Variants in AMBN observed in about 807,000 individuals in gnomAD.
AMBN encodes enamel matrix protein.
A neutral mutation model predicts 48.0 loss-of-function variants in AMBN; 54 were observed. That is an observed-to-expected ratio of 1.12 (90% CI 0.90 to 1.41). The LOEUF (loss-of-function observed/expected upper bound fraction) is 1.41. AMBN is among the 40% of genes most tolerant of loss of function. The pLI is 0.00. For synonymous variants in AMBN, 186 were observed against 190.0 expected, an observed-to-expected ratio of 0.98 and a Z score of 0.17; for missense variants, 571 against 547.3, an observed-to-expected ratio of 1.04 and a Z score of -0.43.
intron 2 of AMBN, among the ~76,000 whole-genome samples, chr4:70,595,190 CTTTTTT>C (rs367866356): frequency 8.4e-6 from 1 of 119,086 alleles, no homozygotes; most frequent in Non-Finnish European, 1.7e-5. Context: ...TCCCTCTATT[CTTTTTT>C]TTTTTTTTTT....
At chr4:70,603,839 C>A in intron 11 of AMBN, 38 bp from the exon 12 acceptor site, 17 of 1,609,470 alleles carry the variant, frequency 1.1e-5, no homozygotes, top group Non-Finnish European at 1.4e-5. Flanking sequence ...AAGAAGGTAG[C>A]TGGTTCGTAA....
chr4:70,597,261 T>A (rs1250877415), intron 3 of AMBN, among the ~76,000 whole-genome samples: 2 of 152,182 alleles, frequency 1.3e-5, no homozygotes, highest in Non-Finnish European at 2.9e-5. Flanking sequence ...TTTAGAACAT[T>A]GTTTCTATGC....
intron 6 of AMBN, 70 bp downstream of exon 6, chr4:70,601,724 G>T: frequency 6.9e-7 from 1 of 1,449,280 alleles, no homozygotes; most frequent in Non-Finnish European, 9.5e-7. Flanking sequence ...AATTTGCAGG[G>T]CACTTTTAAA....
chr4:70,599,075 A>G (rs1342611385), intron 4 of AMBN, among the ~76,000 whole-genome samples: 2 of 151,294 alleles, frequency 1.3e-5, no homozygotes, highest in Non-Finnish European at 2.9e-5. Flanking sequence ...ACGTCCAGCC[A>G]TACCTATCCA....
At chr4:70,596,850 C>A (rs1737393870) in intron 2 of AMBN, 149 bp from the exon 3 acceptor site, 3 of 541,226 alleles carry the variant, frequency 5.5e-6, no homozygotes, top group Non-Finnish European at 9.8e-6. Context: ...CTTCTTCATT[C>A]TGCCCAAGCA....
chr4:70,599,457 G>C, intron 4 of AMBN, 79 bp from the exon 5 acceptor site: 1 of 1,110,446 alleles, frequency 9.0e-7, no homozygotes, highest in Non-Finnish European at 1.3e-6. Context: ...AAAAGAAAAA[G>C]GAAAAGGAAA....
chr4:70,604,166 T>A (rs1737588407), intron 12 of AMBN, among the ~76,000 whole-genome samples: 1 of 152,168 alleles, frequency 6.6e-6, no homozygotes, highest in Non-Finnish European at 1.5e-5. Context: ...TGCTTGTAGA[T>A]GAACAGAGGA....
At chr4:70,602,041 T>C (rs1737532659) in intron 6 of AMBN, 2 of 417,148 alleles carry the variant, frequency 4.8e-6, no homozygotes, top group Non-Finnish European at 9.3e-6. Flanking sequence ...GGATTTTGCA[T>C]TATTATCTCT....
chr4:70,600,454 A>G (rs1044460920), intron 5 of AMBN, among the ~76,000 whole-genome samples: 3 of 152,240 alleles, frequency 2.0e-5, no homozygotes, highest in Non-Finnish European at 4.4e-5. Flanking sequence ...GAAGACATTT[A>G]AGAATGGCTC....
chr4:70,597,066 T>A lies in AMBN; in HGVS notation c.135+17T>A. On this transcript the variant is annotated intron_variant, in intron 3 of 12. Coordinates refer to ENST00000322937, the MANE Select transcript of AMBN (RefSeq NM_016519.6). The stretch of plus-strand genomic sequence containing the variant: ...AGCCTTGAGGTATGTATTGTCAGAA[T>A]TTTTAACATATTAACTTTACATTGG... 6.2e-7 allele frequency: 1 copy of A among 1,605,066 alleles called. No individual in the cohort carries two copies. Among genetic ancestry groups the A allele is most frequent in the South Asian group, 1.1e-5 (1 of 90,600 alleles).
rs1032706904 is a variant in AMBN at position 70,601,412 on chromosome 4, C to A, written c.295-6C>A. 1 of 1,613,162 alleles carries A rather than the reference C, an allele frequency of 6.2e-7. No homozygotes were observed. The highest frequency in any genetic ancestry group is 1.3e-5 in the African/African-American group (1 of 75,040). On this transcript the variant is annotated splice_region_variant and splice_polypyrimidine_tract_variant and intron_variant, in intron 5 of 12. Coordinates refer to ENST00000322937, the MANE Select transcript of AMBN (RefSeq NM_016519.6). ...TTCCTAACACTCTTTTCAAATTTCT[C>A]TGCAGTATGAATATTCTTTGCCTGT...
Position 70,593,229 on chromosome 4 carries a change from G to T in AMBN, c.16-98G>T, listed in dbSNP as rs1156530759. 7 of 932,300 alleles carry T rather than the reference G, an allele frequency of 7.5e-6. No individual in the cohort carries two copies. In the East Asian group the frequency reaches 1.8e-4, roughly 24 times the overall value. 57.8% of individuals were successfully genotyped at this position (932,300 alleles called of 1,614,324 possible). Reference sequence around the variant, plus strand: ...TCTAACCTTTATCCCGGTGGTTTTTGTAAGAGCAGAGACTCAGGCTCATTT... The same window carrying T: ...TCTAACCTTTATCCCGGTGGTTTTTTTAAGAGCAGAGACTCAGGCTCATTT... On this transcript the variant is annotated intron_variant, in intron 1 of 12. Transcript: ENST00000322937.
chr4:70,603,151 C>T (rs529413064), intron 9 of AMBN, 109 bp from the exon 10 acceptor site: 2 of 1,344,142 alleles, frequency 1.5e-6, no homozygotes, highest in East Asian at 2.4e-5. Flanking sequence ...ATATTAAATA[C>T]TTATTTTCTA....
chr4:70,597,152 T>C, intron 3 of AMBN, 103 bp downstream of exon 3: 1 of 1,046,182 alleles, frequency 9.6e-7, no homozygotes, highest in Non-Finnish European at 1.4e-6. Context: ...GCCAGAAGTT[T>C]GTGGCTGTTA....
intron 6 of AMBN, 73 bp downstream of exon 6, chr4:70,601,727 CTT>C: frequency 7.2e-7 from 1 of 1,383,662 alleles, no homozygotes. Context: ...TTGCAGGGCA[CTT>C]TTAAATAATC....
rs1404689134 is a variant in AMBN, at chr4:70,593,991, A to G, written c.84+596A>G. Among the ~76,000 whole-genome samples, 5 of 152,310 alleles carry G rather than the reference A, an allele frequency of 3.3e-5. No homozygotes were observed. In the East Asian group the frequency reaches 7.7e-4, roughly 23 times the overall value. ...AGTTAAAAGCTTAGATAGTCTCCAC[A>G]ATGCATGGCGAAATTTTATTATCAA... On this transcript the variant is annotated intron_variant, in intron 2 of 12. Transcript: ENST00000322937.
At position 70,602,544 on chromosome 4, in the gene AMBN, CTAT is replaced by C. The variant is rs982321892; in HGVS notation, c.532-78_532-76del. The C allele has an allele frequency of 5.8e-6, 6 of 1,038,212 alleles. No individual in the cohort carries two copies. In the African/African-American group the frequency reaches 8.2e-5, roughly 14 times the overall value. 64.3% of individuals were successfully genotyped at this position (1,038,212 alleles called of 1,614,324 possible). On this transcript the variant is annotated intron_variant, in intron 6 of 12. Coordinates refer to ENST00000322937, the MANE Select transcript of AMBN (RefSeq NM_016519.6). ...TAAGGATGTGATCAGTTCACTTTGT[CTAT>C]TTTTTTATTTTTAATGTCACTTTGT...
In AMBN at chr4:70,602,804, G is replaced by C; in HGVS notation, c.577G>C (p.Gly193Arg). Reference protein sequence around the residue: ...FADPQGPSLPGMDFPDPQGPS... With the variant: ...FADPQGPSLPRMDFPDPQGPS... Reference sequence around the variant, plus strand: ...ATATTTATCTACAATATAGCTCCCAGGAATGGATTTTCCTGATCCACAAGG... The same window carrying C: ...ATATTTATCTACAATATAGCTCCCACGAATGGATTTTCCTGATCCACAAGG... Residue 193 changes from glycine (G) to arginine (R), a missense_variant, in exon 8 of 13, where the codon GGA becomes CGA. Coordinates refer to ENST00000322937, the MANE Select transcript of AMBN (RefSeq NM_016519.6). The C allele has an allele frequency of 6.3e-7, 1 of 1,588,870 alleles. No individual in the cohort carries two copies. Among genetic ancestry groups the C allele is most frequent in the Non-Finnish European group, 8.6e-7 (1 of 1,165,974 alleles).
chr4:70,597,397 T>C (rs72654384), intron 3 of AMBN, among the ~76,000 whole-genome samples: 19,149 of 152,050 alleles, frequency 0.13, 1,493 homozygotes, highest in South Asian at 0.23. Context: ...CTCCTTATAC[T>C]ATCTTACATG....
Sources: gnomAD v4.1 joint callset for allele counts (sites outside exome capture counted in the v4.1 genomes callset) on GRCh38, gnomAD v4.1.1 for gene constraint, MANE v1.5 for transcripts, NCBI Gene and HGNC (gene_info 2026-07-23, HGNC 2026-07-21) for gene names.